The following ADD2 variants were observed in gnomAD, a reference collection of about 807,000 sequenced individuals.
The protein encoded by ADD2 is beta-adducin.
In ADD2, 23 loss-of-function variants were observed where a neutral mutation model predicts 83.0. The ratio of observed to expected loss-of-function variants is 0.28; its 90% CI spans 0.20 to 0.39. The LOEUF is 0.39. Among genes scored for constraint, ADD2 ranks in the 10% least tolerant of loss-of-function variants. The pLI, the probability that ADD2 is intolerant of heterozygous loss-of-function variation, is 1.00. For missense variants in ADD2, 758 were observed against 944.9 expected (o/e 0.80, Z 2.59); for synonymous variants, 375 against 375.4 (o/e 1.00, Z 0.01).
chr2:70,703,116 C>T (rs1256509468), intron 4 of ADD2, among the ~76,000 whole-genome samples: 7 of 138,170 alleles, frequency 5.1e-5, no homozygotes, highest in East Asian at 4.3e-4. Flanking sequence ...TGAGATTCTG[C>T]GTGAAAGAAA....
chr2:70,752,702 T>C (rs1481238199), intron 1 of ADD2, among the ~76,000 whole-genome samples: 2 of 152,178 alleles, frequency 1.3e-5, no homozygotes, highest in African/African-American at 4.8e-5. Flanking sequence ...TCAAGAGCTC[T>C]AAGAGGGTCA....
intron 1 of ADD2, among the ~76,000 whole-genome samples, chr2:70,738,923 A>G (rs2104492504): frequency 6.6e-6 from 1 of 152,296 alleles, no homozygotes; most frequent in Admixed American, 6.5e-5. Flanking sequence ...AAAACCCAAA[A>G]CTATTAAAAA....
At chr2:70,731,783 T>C (rs1157774774) in intron 1 of ADD2, among the ~76,000 whole-genome samples, 1 of 152,222 alleles carries the variant, frequency 6.6e-6, no homozygotes, top group Non-Finnish European at 1.5e-5. Context: ...AGTTCTGCTG[T>C]TCCCCAGGGA....
chr2:70,700,524 A>T (rs1439963494), intron 4 of ADD2, among the ~76,000 whole-genome samples: 2 of 152,162 alleles, frequency 1.3e-5, no homozygotes, highest in Non-Finnish European at 2.9e-5. Flanking sequence ...AATACATTTT[A>T]TGCTGCTCTA....
chr2:70,673,718 T>C (rs1382266309), intron 14 of ADD2, among the ~76,000 whole-genome samples: 2 of 152,204 alleles, frequency 1.3e-5, no homozygotes, highest in Non-Finnish European at 2.9e-5. Context: ...TGCCACAGCC[T>C]CCTGAGTATC....
At chr2:70,754,300 C>T in intron 1 of ADD2, among the ~76,000 whole-genome samples, 1 of 152,270 alleles carries the variant, frequency 6.6e-6, no homozygotes, top group Non-Finnish European at 1.5e-5. Context: ...CGCAGCACTT[C>T]CAAATTCAGC....
At chr2:70,679,462 T>C (rs1183371642) in intron 10 of ADD2, among the ~76,000 whole-genome samples, 1 of 152,112 alleles carries the variant, frequency 6.6e-6, no homozygotes, top group East Asian at 1.9e-4. Flanking sequence ...TTCTTAACAA[T>C]TTCCTTCTAG....
At chr2:70,761,055 T>C (rs1224493640) in intron 1 of ADD2, among the ~76,000 whole-genome samples, 2 of 152,284 alleles carry the variant, frequency 1.3e-5, no homozygotes, top group Non-Finnish European at 2.9e-5. Flanking sequence ...GAATATACTA[T>C]CTTTCCTGAA....
At chr2:70,699,389 T>A (rs1057023920) in intron 4 of ADD2, among the ~76,000 whole-genome samples, 2 of 151,780 alleles carry the variant, frequency 1.3e-5, no homozygotes, top group Non-Finnish European at 2.9e-5. Context: ...AGAAAAAAAA[T>A]GTTTGGCGAC....
chr2:70,716,092 A>C (rs1553376320), intron 1 of ADD2, among the ~76,000 whole-genome samples: 2 of 152,144 alleles, frequency 1.3e-5, no homozygotes, highest in African/African-American at 4.8e-5. Flanking sequence ...TATTACCAAA[A>C]TGGCAGGTAT....
intron 2 of ADD2, among the ~76,000 whole-genome samples, chr2:70,709,905 G>T (rs76068166): frequency 0.016 from 2,413 of 152,316 alleles, 59 homozygotes; most frequent in African/African-American, 0.054. Context: ...TTGAGGATAA[G>T]AAGGGATGAC....
At chr2:70,668,170 C>T (rs908152641) in intron 15 of ADD2, among the ~76,000 whole-genome samples, 3 of 152,306 alleles carry the variant, frequency 2.0e-5, no homozygotes, top group South Asian at 2.1e-4. Context: ...AGACAACATA[C>T]TCTTCAGCCT....
At chr2:70,717,518 G>A (rs980365756) in intron 1 of ADD2, among the ~76,000 whole-genome samples, 2 of 152,140 alleles carry the variant, frequency 1.3e-5, no homozygotes, top group African/African-American at 4.8e-5. Flanking sequence ...GTGGAAAGAC[G>A]CAAGCTGCCA....
intron 3 of ADD2, among the ~76,000 whole-genome samples, chr2:70,704,919 CCT>C (rs1223038147): frequency 6.6e-6 from 1 of 152,170 alleles, no homozygotes; most frequent in African/African-American, 2.4e-5. Flanking sequence ...GATTTGATGA[CCT>C]CTGAGGTCAC....
chr2:70,733,468 C>T (rs1356679511), intron 1 of ADD2, among the ~76,000 whole-genome samples: 1 of 152,178 alleles, frequency 6.6e-6, no homozygotes, highest in Non-Finnish European at 1.5e-5. Context: ...TCTGAAGATG[C>T]CATCAGACAA....
Position 70,661,371 on chromosome 2 carries a change from G to A in ADD2, c.*2054C>T, listed in dbSNP as rs1675531112. On this transcript the variant is annotated 3_prime_UTR_variant, in exon 16 of 16. Transcript: ENST00000264436. ...GTGTGAAATCTACTTTTTAAAAGAAGGCATCAAGGGATTGGCTTTTAAAGG... is the reference window on the plus strand; with the variant it reads ...GTGTGAAATCTACTTTTTAAAAGAAAGCATCAAGGGATTGGCTTTTAAAGG... 1 of 152,148 alleles carries A rather than the reference G, an allele frequency of 6.6e-6. No homozygotes were observed. The highest frequency in any genetic ancestry group is 1.5e-5 in the Non-Finnish European group (1 of 68,022). 9.4% of individuals were successfully genotyped at this position (152,148 alleles called of 1,614,324 possible). A position where few individuals can be genotyped will look rare whatever the true frequency, so the allele number is the denominator to read the frequency against.
At chr2:70,692,318 T>C (rs1671083746) in intron 7 of ADD2, 85 bp downstream of exon 7, 1 of 1,413,404 alleles carries the variant, frequency 7.1e-7, no homozygotes, top group African/African-American at 1.4e-5. Context: ...TTCTAGATCT[T>C]TCCAGACTGT....
intron 10 of ADD2, among the ~76,000 whole-genome samples, 196 bp from the exon 11 acceptor site, chr2:70,679,157 C>T (rs941614756): frequency 1.3e-5 from 2 of 152,224 alleles, no homozygotes; most frequent in Non-Finnish European, 2.9e-5. Context: ...CCCATCCCCT[C>T]TCTTTCTCTA....
chr2:70,722,264 ATC>A (rs1672766301), intron 1 of ADD2, among the ~76,000 whole-genome samples: 1 of 152,214 alleles, frequency 6.6e-6, no homozygotes, highest in South Asian at 2.1e-4. Context: ...ATTCTAAGAT[ATC>A]TCTGATTGAT....
Sources: gnomAD v4.1 joint callset for allele counts (sites outside exome capture counted in the v4.1 genomes callset) on GRCh38, gnomAD v4.1.1 for gene constraint, MANE v1.5 for transcripts, NCBI Gene and HGNC (gene_info 2026-07-23, HGNC 2026-07-21) for gene names.